Variants in GALNT7 observed in about 807,000 individuals in gnomAD.
GALNT7 encodes the protein N-acetylgalactosaminyltransferase 7.
A neutral mutation model predicts 82.1 loss-of-function variants in GALNT7; 60 were observed. That is an observed-to-expected ratio of 0.73 (90% CI 0.59 to 0.91). The LOEUF (loss-of-function observed/expected upper bound fraction) is 0.91, where lower values mean the gene tolerates loss of function less well. GALNT7 is among the 40% of genes least tolerant of loss of function. The pLI is 0.00. For synonymous variants in GALNT7, 243 were observed against 275.1 expected (o/e 0.88, Z 1.15); for missense variants, 660 against 804.2 (o/e 0.82, Z 2.17).
chr4:173,216,278 C>G (rs1301811173), intron 1 of GALNT7, among the ~76,000 whole-genome samples: 2 of 152,168 alleles, frequency 1.3e-5, no homozygotes, highest in Non-Finnish European at 1.5e-5. Context: ...CAAAGGTAAA[C>G]TTAAACCATC....
chr4:173,228,077 A>G (rs543305280), intron 1 of GALNT7, among the ~76,000 whole-genome samples: 78 of 152,130 alleles, frequency 5.1e-4, no homozygotes, highest in African/African-American at 1.8e-3. Context: ...GAGCTTCCTT[A>G]TGGAAAAAAT....
intron 2 of GALNT7, among the ~76,000 whole-genome samples, chr4:173,262,728 A>G (rs1328639751): frequency 6.6e-6 from 1 of 152,130 alleles, no homozygotes; most frequent in East Asian, 1.9e-4. Flanking sequence ...TATTCAGCAT[A>G]CAGATCAGTC....
intron 2 of GALNT7, among the ~76,000 whole-genome samples, chr4:173,256,265 G>A (rs1213132594): frequency 6.6e-6 from 1 of 152,140 alleles, no homozygotes; most frequent in Non-Finnish European, 1.5e-5. Flanking sequence ...GAAACTGATT[G>A]ATGAAGAAGG....
chr4:173,178,360 C>A (rs143083521), intron 1 of GALNT7, among the ~76,000 whole-genome samples: 98 of 152,148 alleles, frequency 6.4e-4, no homozygotes, highest in African/African-American at 2.2e-3. Flanking sequence ...CATTTCAATA[C>A]TCTTAGTTTT....
chr4:173,209,775 G>T (rs532948161), intron 1 of GALNT7, among the ~76,000 whole-genome samples: 9 of 152,266 alleles, frequency 5.9e-5, no homozygotes, highest in East Asian at 3.9e-4. Flanking sequence ...CTTTCCGGGT[G>T]CCAGCACAAA....
intron 2 of GALNT7, among the ~76,000 whole-genome samples, chr4:173,286,603 T>C (rs967097200): frequency 1.3e-5 from 2 of 152,220 alleles, no homozygotes; most frequent in Admixed American, 6.5e-5. Flanking sequence ...TTCTGAAGCA[T>C]AGAGACTGAA....
chr4:173,315,233 T>G (rs1467486291), intron 9 of GALNT7, among the ~76,000 whole-genome samples: 1 of 152,080 alleles, frequency 6.6e-6, no homozygotes, highest in East Asian at 1.9e-4. Context: ...GGTTGGTGTG[T>G]GAAGGGATAA....
intron 2 of GALNT7, among the ~76,000 whole-genome samples, chr4:173,259,794 C>T (rs1421231989): frequency 2.6e-5 from 4 of 152,152 alleles, no homozygotes; most frequent in African/African-American, 4.8e-5. Context: ...CCCGCCACCA[C>T]GCCCAGCTAG....
intron 1 of GALNT7, among the ~76,000 whole-genome samples, chr4:173,242,246 G>A (rs1050148872): frequency 2.6e-5 from 4 of 152,068 alleles, no homozygotes; most frequent in Non-Finnish European, 4.4e-5. Context: ...TCCTCTAAGC[G>A]GGTCTATTTC....
intron 1 of GALNT7, among the ~76,000 whole-genome samples, chr4:173,220,501 TAA>T (rs1250406637): frequency 2.0e-5 from 3 of 152,096 alleles, no homozygotes; most frequent in African/African-American, 4.8e-5. Context: ...TTTCTTTTTT[TAA>T]AAAAATTATT....
chr4:173,189,174 A>T (rs1732546789), intron 1 of GALNT7, among the ~76,000 whole-genome samples: 1 of 152,186 alleles, frequency 6.6e-6, no homozygotes, highest in Non-Finnish European at 1.5e-5. Context: ...TCTTGCGGTT[A>T]TTTATCAAAA....
At chr4:173,220,660 C>T (rs1266822926) in intron 1 of GALNT7, among the ~76,000 whole-genome samples, 3 of 114,008 alleles carry the variant, frequency 2.6e-5, no homozygotes, top group Non-Finnish European at 5.1e-5. Flanking sequence ...CCTCCCCCCA[C>T]CCCACAACAG....
chr4:173,176,783 G>T (rs1439165377), intron 1 of GALNT7, among the ~76,000 whole-genome samples: 1 of 152,204 alleles, frequency 6.6e-6, no homozygotes, highest in East Asian at 1.9e-4. Context: ...AATTGGGTTG[G>T]AGAGGGGTGG....
rs1236590273 is a variant in GALNT7, at chr4:173,288,941, ACT to A, written c.588-3164_588-3163del. 1.3e-4 allele frequency among the ~76,000 whole-genome samples: 19 copies of A among 151,946 alleles called. 1 individual carries two copies. The highest frequency in any genetic ancestry group is 1.1e-3 in the Admixed American group (17 of 15,264). On this transcript the variant is annotated intron_variant, in intron 2 of 11. Coordinates refer to ENST00000265000, the MANE Select transcript of GALNT7 (RefSeq NM_017423.3). ...ATCAGGACTGACTCTACCCAGCAAG[ACT>A]CTGTCTCTAGGATGCAAAAACACCT... is the stretch of plus-strand genomic sequence containing the variant.
At chr4:173,197,409 T>C (rs1732811933) in intron 1 of GALNT7, among the ~76,000 whole-genome samples, 2 of 152,342 alleles carry the variant, frequency 1.3e-5, no homozygotes, top group East Asian at 3.9e-4. Flanking sequence ...GAGTGGACTT[T>C]TATGATAAAA....
chr4:173,277,057 A>G lies in GALNT7; in HGVS notation c.588-15051A>G, dbSNP rs559186651. 2.0e-5 allele frequency among the ~76,000 whole-genome samples: 3 copies of G among 152,272 alleles called. 1 individual carries two copies. The South Asian group carries it at 6.2e-4, about 32-fold the overall frequency. On this transcript the variant is annotated intron_variant, in intron 2 of 11. Transcript: ENST00000265000. ...AGATTGATTGATAGATTGATTGATT[A>G]AAACTTAGTGAAAAGCTCTCAGTTT...
intron 2 of GALNT7, among the ~76,000 whole-genome samples, chr4:173,275,110 T>C (rs953729386): frequency 1.3e-5 from 2 of 152,204 alleles, no homozygotes; most frequent in African/African-American, 4.8e-5. Flanking sequence ...CATAACTTTC[T>C]CATTTTTGGG....
At chr4:173,200,924 G>T (rs900096683) in intron 1 of GALNT7, among the ~76,000 whole-genome samples, 8 of 152,118 alleles carry the variant, frequency 5.3e-5, no homozygotes, top group Non-Finnish European at 1.2e-4. Flanking sequence ...TCACTGAAAA[G>T]ATTAAGAGAA....
intron 1 of GALNT7, among the ~76,000 whole-genome samples, chr4:173,196,719 T>C (rs184407674): frequency 6.6e-6 from 1 of 152,246 alleles, no homozygotes; most frequent in East Asian, 1.9e-4. Context: ...CAGGCCCCAG[T>C]GTGCGTTGTT....
Sources: allele counts gnomAD v4.1 joint callset (sites outside exome capture counted in the v4.1 genomes callset), GRCh38; gene constraint gnomAD v4.1.1; transcripts MANE v1.5; gene names NCBI Gene and HGNC (gene_info 2026-07-23, HGNC 2026-07-21).